Variants in PINX1 observed in about 807,000 individuals in gnomAD.
The protein encoded by PINX1 is PIN2 (TERF1) interacting telomerase inhibitor 1.
Under a neutral mutation model 25.4 loss-of-function variants are expected in PINX1, and 34 were observed. The observed-to-expected ratio is 1.34, with a 90% CI of 1.02 to 1.78. PINX1 has a LOEUF of 1.78. Among genes scored for constraint, PINX1 ranks in the 40% most tolerant of loss-of-function variants. The pLI is 0.00. For missense variants in PINX1, 592 were observed against 404.9 expected, an observed-to-expected ratio of 1.46 and a Z score of -3.97; for synonymous variants, 197 against 147.7, an observed-to-expected ratio of 1.33 and a Z score of -2.42.
chr8:10,834,039 T>A (rs11986935), intron 2 of PINX1, among the ~76,000 whole-genome samples: 85,518 of 151,986 alleles, frequency 0.56, 25,394 homozygotes, highest in African/African-American at 0.72. Flanking sequence ...GTTCCCAGAC[T>A]TTAGCTAATT....
At chr8:10,816,778 C>A (rs549338064) in intron 6 of PINX1, among the ~76,000 whole-genome samples, 55 of 152,324 alleles carry the variant, frequency 3.6e-4, no homozygotes, top group African/African-American at 1.3e-3. Flanking sequence ...AGTTCATTAA[C>A]TTCGGCAGGA....
At chr8:10,775,781 AG>A (rs1178085218) in intron 6 of PINX1, among the ~76,000 whole-genome samples, 1 of 152,224 alleles carries the variant, frequency 6.6e-6, no homozygotes, top group African/African-American at 2.4e-5. Context: ...CGGCCTTTCC[AG>A]GCCTCAAATG....
intron 6 of PINX1, among the ~76,000 whole-genome samples, chr8:10,790,630 G>A (rs1247377645): frequency 6.6e-6 from 1 of 152,110 alleles, no homozygotes; most frequent in Non-Finnish European, 1.5e-5. Flanking sequence ...CTTTCTCTTT[G>A]GGTCTTGCCA....
At chr8:10,820,146 T>C (rs773816110) in intron 6 of PINX1, 47 bp downstream of exon 6, 8 of 1,200,522 alleles carry the variant, frequency 6.7e-6, no homozygotes, top group Middle Eastern at 3.8e-4. Context: ...CAGGTGAAAA[T>C]CAGACAGTAT....
intron 6 of PINX1, among the ~76,000 whole-genome samples, chr8:10,793,583 A>T (rs1801992011): frequency 6.6e-6 from 1 of 152,210 alleles, no homozygotes; most frequent in Admixed American, 6.5e-5. Context: ...GACCTAGACC[A>T]TTACCTTTCT....
chr8:10,794,952 G>C (rs907003211), intron 6 of PINX1, among the ~76,000 whole-genome samples: 2 of 152,160 alleles, frequency 1.3e-5, no homozygotes, highest in Non-Finnish European at 2.9e-5. Flanking sequence ...ATTTAACATT[G>C]CTGAAGAATG....
At chr8:10,825,570 T>A (rs571791861) in intron 5 of PINX1, 3 of 432,676 alleles carry the variant, frequency 6.9e-6, no homozygotes, top group Non-Finnish European at 1.4e-5. Flanking sequence ...GGGAAGGGGC[T>A]AGGGAGGTGG....
intron 4 of PINX1, among the ~76,000 whole-genome samples, chr8:10,827,329 G>A (rs1273509380): frequency 6.6e-6 from 1 of 152,172 alleles, no homozygotes; most frequent in East Asian, 1.9e-4. Context: ...CAACTGGAAG[G>A]GCAAAAGGAG....
chr8:10,785,123 T>C (rs1233746360), intron 6 of PINX1, among the ~76,000 whole-genome samples: 2 of 152,218 alleles, frequency 1.3e-5, no homozygotes, highest in Non-Finnish European at 2.9e-5. Flanking sequence ...TAGTTCAAGA[T>C]TGTGTTTTAA....
chr8:10,778,369 T>C (rs1339930005), intron 6 of PINX1, among the ~76,000 whole-genome samples: 3 of 152,086 alleles, frequency 2.0e-5, no homozygotes, highest in Admixed American at 1.3e-4. Flanking sequence ...TTTTTGCAAA[T>C]TGTTGTCGAT....
chr8:10,796,626 C>G (rs554002240), intron 6 of PINX1, among the ~76,000 whole-genome samples: 3 of 152,010 alleles, frequency 2.0e-5, no homozygotes, highest in Non-Finnish European at 4.4e-5. Context: ...CAAACTTGCT[C>G]ACTCCAGACA....
At chr8:10,810,585 T>A (rs963099437) in intron 6 of PINX1, among the ~76,000 whole-genome samples, 1 of 152,068 alleles carries the variant, frequency 6.6e-6, no homozygotes, top group African/African-American at 2.4e-5. Context: ...TAATTCTAGA[T>A]ATGAGGAAAT....
intron 6 of PINX1, among the ~76,000 whole-genome samples, chr8:10,781,089 G>C (rs1331866478): frequency 1.3e-5 from 2 of 152,104 alleles, no homozygotes; most frequent in African/African-American, 2.4e-5. Flanking sequence ...GCATGAAGAA[G>C]ACACAATGGG....
chr8:10,780,703 C>G (rs368213221), intron 6 of PINX1, among the ~76,000 whole-genome samples: 3 of 150,380 alleles, frequency 2.0e-5, no homozygotes, highest in Non-Finnish European at 4.4e-5. Context: ...CACTGATGAA[C>G]GAAAAAGGAC....
intron 1 of PINX1, among the ~76,000 whole-genome samples, chr8:10,836,901 G>C (rs2033300820): frequency 6.6e-6 from 1 of 151,966 alleles, no homozygotes; most frequent in South Asian, 2.1e-4. Context: ...CAAGTTTCCA[G>C]GTGTGGAAAA....
At chr8:10,787,921 T>C (rs1045861181) in intron 6 of PINX1, 3 of 395,622 alleles carry the variant, frequency 7.6e-6, no homozygotes, top group Non-Finnish European at 1.5e-5. Flanking sequence ...CCTTGTTAGA[T>C]TCAAATACAT....
chr8:10,837,983 C>A (rs1385501872), intron 1 of PINX1, among the ~76,000 whole-genome samples: 1 of 152,228 alleles, frequency 6.6e-6, no homozygotes, highest in Non-Finnish European at 1.5e-5. Context: ...AAGTGAGCCT[C>A]AATCCATTAC....
chr8:10,775,493 A>T (rs1340252232), intron 6 of PINX1, among the ~76,000 whole-genome samples: 1 of 149,428 alleles, frequency 6.7e-6, no homozygotes, highest in African/African-American at 2.5e-5. Context: ...ATTTTTATAA[A>T]GTTAAAAAAG....
At chr8:10,824,320 G>A (rs531238021) in intron 5 of PINX1, among the ~76,000 whole-genome samples, 1 of 152,312 alleles carries the variant, frequency 6.6e-6, no homozygotes, top group African/African-American at 2.4e-5. Context: ...TGATTGGAAA[G>A]CTAGCTGATA....
Sources: allele counts gnomAD v4.1 joint callset (sites outside exome capture counted in the v4.1 genomes callset), GRCh38; gene constraint gnomAD v4.1.1; transcripts MANE v1.5; gene names NCBI Gene and HGNC (gene_info 2026-07-23, HGNC 2026-07-21).